TRAIP: variants seen among roughly 807,000 people sequenced by gnomAD.
TRAIP encodes TRAF interacting protein.
A neutral mutation model predicts 65.0 loss-of-function variants in TRAIP; 37 were observed. The ratio of observed to expected loss-of-function variants is 0.57; its 90% CI spans 0.44 to 0.75. The LOEUF is 0.75. TRAIP is among the 30% of genes least tolerant of loss of function. The probability of loss-of-function intolerance (pLI) is 0.00; values close to 1 mark genes in which losing one functional copy is unlikely to be tolerated. For synonymous variants in TRAIP, 187 were observed against 219.1 expected, an observed-to-expected ratio of 0.85 and a Z score of 1.29; for missense variants, 481 against 579.4, an observed-to-expected ratio of 0.83 and a Z score of 1.74.
Position 49,829,203 on chromosome 3 carries a change from G to A in TRAIP, c.1310C>T (p.Pro437Leu). Residue 437 changes from proline to leucine, a missense_variant, in exon 15 of 15, where the codon CCA (proline) becomes CTA (leucine). Coordinates refer to ENST00000331456, the MANE Select transcript of TRAIP (RefSeq NM_005879.3). ...IQPTDTVMIR[P>L]LPVKPKTKVK... is the part of the protein sequence containing the mutation. The stretch of plus-strand genomic sequence containing the variant: ...CTTGGTCTTGGGCTTAACAGGCAAT[G>A]GGCGGATCATGACTGTGTCAGTCTG... The A allele has an allele frequency of 6.2e-7, 1 of 1,614,232 alleles. No individual in the cohort carries two copies. Among genetic ancestry groups the A allele is most frequent in the Admixed American group, 1.7e-5 (1 of 60,026 alleles).
intron 1 of TRAIP, among the ~76,000 whole-genome samples, chr3:49,850,940 C>G (rs2081925279): frequency 6.6e-6 from 1 of 151,828 alleles, no homozygotes; most frequent in Non-Finnish European, 1.5e-5. Context: ...AGCCACCATG[C>G]CCGGCCAATA....
intron 3 of TRAIP, among the ~76,000 whole-genome samples, chr3:49,847,009 C>T (rs1168964325): frequency 5.3e-5 from 8 of 151,996 alleles, no homozygotes; most frequent in Non-Finnish European, 1.0e-4. Context: ...GGTGAAACCC[C>T]GTCTGTACTA....
intron 8 of TRAIP, 73 bp downstream of exon 8, chr3:49,840,912 G>A: frequency 1.4e-6 from 2 of 1,436,360 alleles, no homozygotes; most frequent in Non-Finnish European, 2.0e-6. Context: ...CCATGGCCTT[G>A]CTCAGGAGAC....
intron 11 of TRAIP, among the ~76,000 whole-genome samples, chr3:49,831,460 C>T (rs2081732072): frequency 6.6e-6 from 1 of 152,248 alleles, no homozygotes. Flanking sequence ...GACAGCTTCT[C>T]ATGCTTGCCC....
rs2081704611 is a variant in TRAIP at position 49,828,719 on chromosome 3, G to A, written c.*384C>T. 1 of 227,762 alleles carries A rather than the reference G, an allele frequency of 4.4e-6. No individual in the cohort carries two copies. Among genetic ancestry groups the A allele is most frequent in the Non-Finnish European group, 9.0e-6 (1 of 110,628 alleles). The allele number at this position is 227,762 out of a possible 1,614,324, so 14.1% of individuals were successfully genotyped here. ...GGCTATGCCTAGAAGCAAGTCAAAGGCAGGTAGAAGCTTGGGCTGAGGCTG... is the reference window on the plus strand; with the variant it reads ...GGCTATGCCTAGAAGCAAGTCAAAGACAGGTAGAAGCTTGGGCTGAGGCTG... On this transcript the variant is annotated 3_prime_UTR_variant, in exon 15 of 15. Transcript: ENST00000331456.
At chr3:49,840,573 C>A (rs1389324194) in intron 8 of TRAIP, 200 bp from the exon 9 acceptor site, 2 of 583,298 alleles carry the variant, frequency 3.4e-6, no homozygotes, top group East Asian at 2.8e-5. Context: ...CTTCCTACAT[C>A]CTGCAGCCTG....
chr3:49,846,166 C>T (rs2081880258), intron 3 of TRAIP, among the ~76,000 whole-genome samples: 1 of 152,186 alleles, frequency 6.6e-6, no homozygotes, highest in South Asian at 2.1e-4. Context: ...ATTCCAAGAG[C>T]TCTGGTCTGG....
intron 1 of TRAIP, among the ~76,000 whole-genome samples, chr3:49,850,305 C>T (rs916564603): frequency 6.6e-6 from 1 of 151,914 alleles, no homozygotes; most frequent in Non-Finnish European, 1.5e-5. Flanking sequence ...TTGAGACCAG[C>T]CTGACCAACA....
chr3:49,834,714 C>A (rs554814486), intron 10 of TRAIP, among the ~76,000 whole-genome samples: 63 of 152,314 alleles, frequency 4.1e-4, no homozygotes, highest in African/African-American at 1.5e-3. Flanking sequence ...CACATCCCCC[C>A]CAAACCCTAC....
intron 10 of TRAIP, among the ~76,000 whole-genome samples, chr3:49,839,285 G>A (rs2081816623): frequency 6.6e-6 from 1 of 152,076 alleles, no homozygotes; most frequent in South Asian, 2.1e-4. Context: ...GCAGGCAGGA[G>A]GTAGCCTTGA....
At position 49,830,936 on chromosome 3, in the gene TRAIP, A is replaced by C. The variant is rs1208943668; in HGVS notation, c.1038-868T>G. ...TCACTACCTCCTTCACTACCTCCAC[A>C]GGCCATGAAGGTGGTGGAAATGTCT... On this transcript the variant is annotated intron_variant, in intron 11 of 14. Coordinates refer to ENST00000331456, the MANE Select transcript of TRAIP (RefSeq NM_005879.3). Among the ~76,000 whole-genome samples, 14 of 152,330 alleles carry C rather than the reference A, an allele frequency of 9.2e-5. No homozygotes were observed. In the East Asian group the frequency reaches 2.7e-3, roughly 29 times the overall value.
intron 10 of TRAIP, among the ~76,000 whole-genome samples, chr3:49,834,511 CCCAT>C (rs2081763869): frequency 6.6e-6 from 1 of 152,186 alleles, no homozygotes; most frequent in African/African-American, 2.4e-5. Context: ...TTGGCTCCAC[CCCAT>C]CCTAATCTGC....
chr3:49,842,297 C>T (rs1374440839), intron 6 of TRAIP, among the ~76,000 whole-genome samples, 156 bp downstream of exon 6: 1 of 152,138 alleles, frequency 6.6e-6, no homozygotes, highest in Non-Finnish European at 1.5e-5. Flanking sequence ...AGGCTAAGAT[C>T]TGTGCCCACA....
At chr3:49,855,262 C>T (rs1468838621) in intron 1 of TRAIP, among the ~76,000 whole-genome samples, 1 of 151,988 alleles carries the variant, frequency 6.6e-6, no homozygotes, top group Non-Finnish European at 1.5e-5. Context: ...CCAGCCTGGC[C>T]AACATGGAGA....
chr3:49,848,597 G>T (rs1342994950), intron 1 of TRAIP, among the ~76,000 whole-genome samples: 2 of 151,766 alleles, frequency 1.3e-5, no homozygotes, highest in Admixed American at 1.3e-4. Flanking sequence ...AGTAAGTAAG[G>T]GTACAAAAAT....
At position 49,844,569 on chromosome 3, in the gene TRAIP, G is replaced by A; in HGVS notation, c.252C>T (p.Asp84=). The A allele has an allele frequency of 1.2e-6, 2 of 1,613,968 alleles. No individual in the cohort carries two copies. Among genetic ancestry groups the A allele is most frequent in the Non-Finnish European group, 1.7e-6 (2 of 1,180,014 alleles). Residue 84 remains aspartate (D), a synonymous_variant, in exon 4 of 15, where the codon GAC becomes GAT. Coordinates refer to ENST00000331456, the MANE Select transcript of TRAIP (RefSeq NM_005879.3). ...LDAEFLKNEL[D]NVRAQLSQKD... ...TCTGGGAAAGCTGGGCTCTGACATT[G>A]TCCAGTTCATTCTGAAAGGCAATAC...
intron 11 of TRAIP, among the ~76,000 whole-genome samples, chr3:49,831,029 T>C (rs1345810307): frequency 6.6e-6 from 1 of 152,146 alleles, no homozygotes; most frequent in Non-Finnish European, 1.5e-5. Flanking sequence ...AGAAGGGCAA[T>C]GGGAGGAAGC....
Position 49,828,951 on chromosome 3 carries a change from T to A in TRAIP, c.*152A>T. 1 of 1,048,968 alleles carries A rather than the reference T, an allele frequency of 9.5e-7. No individual in the cohort carries two copies. 65.0% of individuals were successfully genotyped at this position (1,048,968 alleles called of 1,614,324 possible). On this transcript the variant is annotated 3_prime_UTR_variant, in exon 15 of 15. Coordinates refer to ENST00000331456, the MANE Select transcript of TRAIP (RefSeq NM_005879.3). ...CAGGGTGAGGGCAGGAAGAGCAGTC[T>A]CTGGGTGCCACACTCACCCTCACCT...
intron 9 of TRAIP, 104 bp downstream of exon 9, chr3:49,840,180 C>T (rs2081826907): frequency 1.8e-6 from 2 of 1,092,306 alleles, no homozygotes; most frequent in East Asian, 2.4e-5. Flanking sequence ...GGCCCAGAAC[C>T]ACCACTGACT....
Sources: allele counts gnomAD v4.1 joint callset (sites outside exome capture counted in the v4.1 genomes callset), GRCh38; gene constraint gnomAD v4.1.1; transcripts MANE v1.5; gene names NCBI Gene and HGNC (gene_info 2026-07-23, HGNC 2026-07-21).